The following PLCB1 variants were observed in gnomAD, a reference collection of about 807,000 sequenced individuals.
PLCB1 encodes 1-phosphatidylinositol 4,5-bisphosphate phosphodiesterase beta-1.
Under a neutral mutation model 161.8 loss-of-function variants are expected in PLCB1, and 46 were observed. That is an observed-to-expected ratio of 0.28 (90% CI 0.22 to 0.36). The LOEUF is 0.36. Ranked by LOEUF, PLCB1 falls within the 10% of genes least tolerant of loss-of-function variation. The pLI, the probability that PLCB1 is intolerant of heterozygous loss-of-function variation, is 1.00. For missense variants in PLCB1, 1,016 were observed against 1,472.5 expected, an observed-to-expected ratio of 0.69 and a Z score of 5.07; for synonymous variants, 517 against 503.7, an observed-to-expected ratio of 1.03 and a Z score of -0.35.
intron 6 of PLCB1, among the ~76,000 whole-genome samples, chr20:8,648,860 G>A (rs1208283498): frequency 6.6e-6 from 1 of 151,580 alleles, no homozygotes; most frequent in Non-Finnish European, 1.5e-5. Flanking sequence ...AGGATCACTT[G>A]AGCATGGGAA....
chr20:8,512,476 A>G (rs1983928083), intron 3 of PLCB1, among the ~76,000 whole-genome samples: 1 of 152,228 alleles, frequency 6.6e-6, no homozygotes, highest in Non-Finnish European at 1.5e-5. Flanking sequence ...GAATATTTCT[A>G]AAATAAACTG....
intron 3 of PLCB1, among the ~76,000 whole-genome samples, chr20:8,486,964 A>G (rs542989349): frequency 1.3e-5 from 2 of 152,368 alleles, no homozygotes; most frequent in South Asian, 4.1e-4. Flanking sequence ...TGCAGGTGGC[A>G]TAAGGCTTCA....
At chr20:8,150,994 A>G (rs2051502851) in intron 2 of PLCB1, among the ~76,000 whole-genome samples, 1 of 152,200 alleles carries the variant, frequency 6.6e-6, no homozygotes, top group Non-Finnish European at 1.5e-5. Context: ...ATTAAAAAGT[A>G]GAATATCTGC....
chr20:8,551,037 CA>C (rs1330982073), intron 3 of PLCB1, among the ~76,000 whole-genome samples: 1 of 152,188 alleles, frequency 6.6e-6, no homozygotes, highest in African/African-American at 2.4e-5. Flanking sequence ...GTCGTTCTCA[CA>C]TCCTTTCCAC....
chr20:8,562,967 G>A (rs1986190307), intron 3 of PLCB1, among the ~76,000 whole-genome samples: 1 of 151,884 alleles, frequency 6.6e-6, no homozygotes, highest in South Asian at 2.1e-4. Flanking sequence ...CCATGGTGTA[G>A]GCCATTAATG....
chr20:8,641,188 C>T (rs763743386), intron 4 of PLCB1, among the ~76,000 whole-genome samples: 2 of 152,162 alleles, frequency 1.3e-5, no homozygotes, highest in Non-Finnish European at 2.9e-5. Flanking sequence ...GCTTGCTAGT[C>T]CCATGTTATA....
intron 1 of PLCB1, among the ~76,000 whole-genome samples, chr20:8,142,277 T>G (rs2123016574): frequency 6.6e-6 from 1 of 152,286 alleles, no homozygotes; most frequent in Middle Eastern, 3.4e-3. Flanking sequence ...TATGAGACCT[T>G]CGTGACCTTT....
chr20:8,811,287 C>A (rs145853893), intron 31 of PLCB1, among the ~76,000 whole-genome samples: 1 of 152,144 alleles, frequency 6.6e-6, no homozygotes, highest in Admixed American at 6.6e-5. Flanking sequence ...ATCTAACACT[C>A]ATTTGGAGGT....
At chr20:8,257,478 T>G (rs557461076) in intron 2 of PLCB1, among the ~76,000 whole-genome samples, 1 of 152,318 alleles carries the variant, frequency 6.6e-6, no homozygotes, top group East Asian at 1.9e-4. Flanking sequence ...GAGATAATAT[T>G]ACAAAATAGT....
chr20:8,514,379 G>A (rs889353078), intron 3 of PLCB1, among the ~76,000 whole-genome samples: 8 of 149,952 alleles, frequency 5.3e-5, no homozygotes, highest in Admixed American at 2.0e-4. Flanking sequence ...GGCGGAGGTT[G>A]TAGTGAGCTG....
chr20:8,403,737 G>A (rs1350315500), intron 3 of PLCB1, among the ~76,000 whole-genome samples: 1 of 152,126 alleles, frequency 6.6e-6, no homozygotes, highest in Non-Finnish European at 1.5e-5. Flanking sequence ...GACAGATTGT[G>A]GATTGCAGAA....
At chr20:8,140,859 C>T (rs985584950) in intron 1 of PLCB1, among the ~76,000 whole-genome samples, 2 of 151,698 alleles carry the variant, frequency 1.3e-5, no homozygotes, top group African/African-American at 2.4e-5. Flanking sequence ...AGTGCAATGG[C>T]GCAATCTCGG....
chr20:8,647,975 CA>C (rs780694960), intron 6 of PLCB1, 22 bp downstream of exon 6: 1 of 1,503,044 alleles, frequency 6.7e-7, no homozygotes, highest in Non-Finnish European at 9.0e-7. Flanking sequence ...GAGCATTTCT[CA>C]TTATTCATTT....
chr20:8,778,654 C>T (rs1568596170), intron 27 of PLCB1, among the ~76,000 whole-genome samples: 1 of 152,290 alleles, frequency 6.6e-6, no homozygotes, highest in East Asian at 1.9e-4. Flanking sequence ...CCCTTTCAGG[C>T]CAAATGTAAG....
At chr20:8,614,337 T>C (rs1987989325) in intron 3 of PLCB1, among the ~76,000 whole-genome samples, 1 of 150,846 alleles carries the variant, frequency 6.6e-6, no homozygotes, top group Non-Finnish European at 1.5e-5. Flanking sequence ...CAATTATATA[T>C]ATATATACAC....
At chr20:8,548,069 C>CCTTCCTCCCTCCCTTCCTCCCTTT (rs1290231764) in intron 3 of PLCB1, among the ~76,000 whole-genome samples, 6 of 151,828 alleles carry the variant, frequency 4.0e-5, no homozygotes, top group Non-Finnish European at 8.8e-5. Flanking sequence ...TCCCTTCCTA[C>CCTTCCTCCCTCCCTTCCTCCCTTT]CTTCCTCCCT....
chr20:8,662,440 T>G (rs1193286960), intron 9 of PLCB1, among the ~76,000 whole-genome samples: 2 of 108,056 alleles, frequency 1.9e-5, no homozygotes, highest in Non-Finnish European at 3.7e-5. Flanking sequence ...TATATAATTA[T>G]GTGTTATGTA....
intron 11 of PLCB1, among the ~76,000 whole-genome samples, chr20:8,703,668 A>G (rs980365303): frequency 6.6e-6 from 1 of 152,204 alleles, no homozygotes; most frequent in Non-Finnish European, 1.5e-5. Context: ...TGTCAGAGGC[A>G]GGACAAATGG....
At chr20:8,777,095 G>T (rs1486453444) in intron 27 of PLCB1, among the ~76,000 whole-genome samples, 2 of 152,172 alleles carry the variant, frequency 1.3e-5, no homozygotes, top group African/African-American at 4.8e-5. Context: ...CAGCACAGTG[G>T]CTCTGCCTGA....
Sources: gnomAD v4.1 joint callset for allele counts (sites outside exome capture counted in the v4.1 genomes callset) on GRCh38, gnomAD v4.1.1 for gene constraint, MANE v1.5 for transcripts, NCBI Gene and HGNC (gene_info 2026-07-23, HGNC 2026-07-21) for gene names.